Variants in SNTG2 observed in about 807,000 individuals in gnomAD.
SNTG2 encodes the protein gamma-2-syntrophin.
Under a neutral mutation model 70.9 loss-of-function variants are expected in SNTG2, and 74 were observed. The ratio of observed to expected loss-of-function variants is 1.04; its 90% CI spans 0.86 to 1.27. SNTG2 has a LOEUF of 1.27. Among genes scored for constraint, SNTG2 ranks in the 50% most tolerant of loss-of-function variants. The probability of loss-of-function intolerance (pLI) is 0.00; values close to 1 mark genes in which losing one functional copy is unlikely to be tolerated. For synonymous variants in SNTG2, 278 were observed against 273.8 expected, an observed-to-expected ratio of 1.02 and a Z score of -0.15; for missense variants, 717 against 690.7, an observed-to-expected ratio of 1.04 and a Z score of -0.43.
chr2:1,323,263 G>T (rs1681607985), intron 16 of SNTG2, among the ~76,000 whole-genome samples: 1 of 152,214 alleles, frequency 6.6e-6, no homozygotes, highest in African/African-American at 2.4e-5. Flanking sequence ...TCAGCTTGGA[G>T]CTCAGTGGCT....
intron 4 of SNTG2, among the ~76,000 whole-genome samples, chr2:1,116,593 G>GGC: frequency 2.0e-5 from 3 of 147,058 alleles, no homozygotes; most frequent in African/African-American, 7.6e-5. Context: ...CGGGTGCCCC[G>GGC]GTGTTCGGGT....
At chr2:955,575 A>G (rs1660112807) in intron 1 of SNTG2, among the ~76,000 whole-genome samples, 1 of 152,252 alleles carries the variant, frequency 6.6e-6, no homozygotes, top group South Asian at 2.1e-4. Flanking sequence ...TTAAATGACA[A>G]ATCCTGTGCA....
chr2:1,105,671 T>C (rs1666071047), intron 4 of SNTG2, among the ~76,000 whole-genome samples: 1 of 152,162 alleles, frequency 6.6e-6, no homozygotes, highest in African/African-American at 2.4e-5. Context: ...TCCTGCTCAC[T>C]CTCCCTCCTA....
rs191491551 is a variant in SNTG2 at position 1,020,344 on chromosome 2, C to T, written c.73-63174C>T. On this transcript the variant is annotated intron_variant, in intron 1 of 16. Coordinates refer to ENST00000308624, the MANE Select transcript of SNTG2 (RefSeq NM_018968.4). ...CCTGGCTCCAGCATGAATGCCTTTC[C>T]TCCCACTTCTGGCCCCTGGACTGGC... Among the ~76,000 whole-genome samples the T allele has an allele frequency of 3.3e-5, 5 of 152,344 alleles. No individual in the cohort carries two copies. The East Asian group carries it at 9.7e-4, about 30-fold the overall frequency.
intron 1 of SNTG2, among the ~76,000 whole-genome samples, chr2:974,306 G>A (rs940633069): frequency 6.6e-6 from 1 of 152,186 alleles, no homozygotes; most frequent in Non-Finnish European, 1.5e-5. Context: ...GCTCCACATG[G>A]TGTAGCAGGA....
intron 7 of SNTG2, among the ~76,000 whole-genome samples, chr2:1,169,115 G>A (rs531068859): frequency 1.4e-4 from 21 of 152,156 alleles, no homozygotes; most frequent in Admixed American, 3.3e-4. Context: ...AGGGGGCAGC[G>A]TGAGTGTCTG....
At chr2:1,062,855 T>A (rs533002687) in intron 1 of SNTG2, among the ~76,000 whole-genome samples, 3 of 152,332 alleles carry the variant, frequency 2.0e-5, no homozygotes, top group South Asian at 4.1e-4. Flanking sequence ...GGAAAAAATA[T>A]GTGTGTGTGC....
chr2:1,071,195 T>C (rs1299508600), intron 1 of SNTG2, among the ~76,000 whole-genome samples: 2 of 151,922 alleles, frequency 1.3e-5, no homozygotes, highest in Non-Finnish European at 2.9e-5. Flanking sequence ...TAAAGACACA[T>C]GCACACGTAT....
At chr2:962,661 C>T (rs1022559002) in intron 1 of SNTG2, among the ~76,000 whole-genome samples, 1 of 152,138 alleles carries the variant, frequency 6.6e-6, no homozygotes, top group Non-Finnish European at 1.5e-5. Flanking sequence ...TTCACTTCAT[C>T]TTTGAAATAA....
At position 951,034 on chromosome 2, in the gene SNTG2, G is replaced by A. The variant is rs1659937088; in HGVS notation, c.38G>A (p.Arg13His). Residue 13 changes from arginine to histidine, a missense_variant, in exon 1 of 17, where the codon CGC becomes CAC. Arg to His is a conservative substitution (Grantham distance 29). Transcript: ENST00000308624. ...GGACCCCCGCCCCCGGCCGCCTCCCGCGGACGCCAGGGCTGCCTGCTGGTA... is the reference window on the plus strand; with the variant it reads ...GGACCCCCGCCCCCGGCCGCCTCCCACGGACGCCAGGGCTGCCTGCTGGTA... ...TEGPPPPAAS[R>H]GRQGCLLVPA... The A allele has an allele frequency of 2.4e-6, 3 of 1,263,692 alleles. No homozygotes were observed. The highest frequency in any genetic ancestry group is 6.3e-5 in the South Asian group (2 of 31,912). The allele number at this position is 1,263,692 out of a possible 1,614,324, so 78.3% of individuals were successfully genotyped here.
At chr2:1,157,553 A>G (rs1048728833) in intron 6 of SNTG2, among the ~76,000 whole-genome samples, 10 of 152,232 alleles carry the variant, frequency 6.6e-5, no homozygotes, top group South Asian at 2.1e-4. Context: ...CTTATGTATA[A>G]CAGAGACTGG....
At position 1,101,550 on chromosome 2, in the gene SNTG2, G is replaced by A. The variant is rs149492615; in HGVS notation, c.325+3140G>A. 4.3e-3 allele frequency among the ~76,000 whole-genome samples: 649 copies of A among 152,252 alleles called. 13 individuals carry two copies. The highest frequency in any genetic ancestry group is 2.0e-3 in the Non-Finnish European group (139 of 68,032). The stretch of plus-strand genomic sequence containing the variant: ...GTTTTGCAGGAAGCAGAGCCCCTGG[G>A]TTGTCCTGAATGTCTTGTGTTAAAC... On this transcript the variant is annotated intron_variant, in intron 4 of 16. Coordinates refer to ENST00000308624, the MANE Select transcript of SNTG2 (RefSeq NM_018968.4).
chr2:1,305,266 C>G (rs1328782501), intron 14 of SNTG2, among the ~76,000 whole-genome samples: 2 of 152,200 alleles, frequency 1.3e-5, no homozygotes, highest in Non-Finnish European at 2.9e-5. Flanking sequence ...TTCCAAATGA[C>G]TACACCAAAT....
chr2:1,213,842 C>T (rs917629816), intron 9 of SNTG2, among the ~76,000 whole-genome samples: 50 of 152,300 alleles, frequency 3.3e-4, no homozygotes, highest in Middle Eastern at 3.4e-3. Context: ...AAATAAAAGT[C>T]GTGGAGCTTT....
At chr2:1,075,319 C>T (rs1663847702) in intron 1 of SNTG2, among the ~76,000 whole-genome samples, 1 of 152,220 alleles carries the variant, frequency 6.6e-6, no homozygotes, top group South Asian at 2.1e-4. Context: ...CCACACATTG[C>T]AGGGCTGAGC....
At chr2:1,279,579 T>C (rs1167279509) in intron 14 of SNTG2, among the ~76,000 whole-genome samples, 1 of 152,266 alleles carries the variant, frequency 6.6e-6, no homozygotes, top group Non-Finnish European at 1.5e-5. Context: ...ATATCATTTT[T>C]CATGTGGTTT....
intron 1 of SNTG2, among the ~76,000 whole-genome samples, chr2:990,209 G>C (rs908202771): frequency 2.6e-5 from 4 of 152,218 alleles, no homozygotes; most frequent in African/African-American, 9.6e-5. Flanking sequence ...TGGCCATTCA[G>C]TTCCTCTGTT....
At chr2:1,246,603 A>G (rs957261103) in intron 11 of SNTG2, among the ~76,000 whole-genome samples, 1 of 152,220 alleles carries the variant, frequency 6.6e-6, no homozygotes, top group African/African-American at 2.4e-5. Context: ...AATGCTAAGC[A>G]TATGTTAATA....
chr2:1,299,644 G>A (rs1425969358), intron 14 of SNTG2, among the ~76,000 whole-genome samples: 1 of 152,138 alleles, frequency 6.6e-6, no homozygotes, highest in Non-Finnish European at 1.5e-5. Flanking sequence ...CATGACTTTC[G>A]GAGGGACACA....
Sources: gnomAD v4.1 joint callset for allele counts (sites outside exome capture counted in the v4.1 genomes callset) on GRCh38, gnomAD v4.1.1 for gene constraint, MANE v1.5 for transcripts, NCBI Gene and HGNC (gene_info 2026-07-23, HGNC 2026-07-21) for gene names.